STAG1: variants seen among roughly 807,000 people sequenced by gnomAD.
The protein encoded by STAG1 is cohesin subunit SA-1.
Under a neutral mutation model 170.9 loss-of-function variants are expected in STAG1, and 26 were observed. That is an observed-to-expected ratio of 0.15 (90% CI 0.11 to 0.21). The LOEUF (loss-of-function observed/expected upper bound fraction) is 0.21. Ranked by LOEUF, STAG1 falls within the 10% of genes least tolerant of loss-of-function variation. The pLI, the probability that STAG1 is intolerant of heterozygous loss-of-function variation, is 1.00. For synonymous variants in STAG1, 514 were observed against 497.7 expected (o/e 1.03, Z -0.44); for missense variants, 964 against 1,509.5 (o/e 0.64, Z 5.99).
In STAG1 at chr3:136,627,693, CTT is replaced by C. The variant is rs1040797064; in HGVS notation, c.29+3175_29+3176del. On this transcript the variant is annotated intron_variant, in intron 2 of 33. Transcript: ENST00000383202. Reference sequence around the variant, plus strand: ...AGGTCAAGGGGTATGGAAATTCAAACTTTGACCAATTGCTCTTCAAAACTCCT... The same window carrying C: ...AGGTCAAGGGGTATGGAAATTCAAACTGACCAATTGCTCTTCAAAACTCCT... Among the ~76,000 whole-genome samples, 10 of 152,284 alleles carry C rather than the reference CTT, an allele frequency of 6.6e-5. No individual in the cohort carries two copies. In the East Asian group the frequency reaches 1.2e-3, roughly 18 times the overall value.
chr3:136,697,898 A>C (rs1372704312), intron 1 of STAG1, among the ~76,000 whole-genome samples: 1 of 152,192 alleles, frequency 6.6e-6, no homozygotes, highest in African/African-American at 2.4e-5. Context: ...CTGCACCACA[A>C]ATGTTTCAAT....
intron 21 of STAG1, among the ~76,000 whole-genome samples, chr3:136,415,975 T>C (rs543013428): frequency 1.3e-5 from 2 of 152,252 alleles, no homozygotes; most frequent in East Asian, 1.9e-4. Flanking sequence ...TGGTTAAAAA[T>C]ACGTGTTCAA....
intron 1 of STAG1, among the ~76,000 whole-genome samples, chr3:136,639,210 G>T (rs1161328368): frequency 6.7e-6 from 1 of 149,472 alleles, no homozygotes; most frequent in Non-Finnish European, 1.5e-5. Context: ...AGGCCTTGGA[G>T]TCCCAGCTAC....
At chr3:136,404,269 T>C (rs1419522420) in intron 21 of STAG1, among the ~76,000 whole-genome samples, 1 of 152,224 alleles carries the variant, frequency 6.6e-6, no homozygotes, top group Non-Finnish European at 1.5e-5. Context: ...CAGCAAGTCA[T>C]TATTAGTCTG....
intron 1 of STAG1, among the ~76,000 whole-genome samples, chr3:136,743,996 C>G (rs1170341707): frequency 1.3e-5 from 2 of 152,196 alleles, no homozygotes; most frequent in Non-Finnish European, 2.9e-5. Context: ...GCAAATAAGG[C>G]TACTATGAAC....
rs2089998556 is a variant in STAG1, at chr3:136,485,817, T to C, written c.903-8405A>G. On this transcript the variant is annotated intron_variant, in intron 9 of 33. Coordinates refer to ENST00000383202, the MANE Select transcript of STAG1 (RefSeq NM_005862.3). ...TTTTTTCACAAATCATATTTTGCAATTTATGCATACTGGTTTATAAAGCTC... is the reference window on the plus strand; with the variant it reads ...TTTTTTCACAAATCATATTTTGCAACTTATGCATACTGGTTTATAAAGCTC... 1.3e-5 allele frequency among the ~76,000 whole-genome samples: 2 copies of C among 152,226 alleles called. 1 individual carries two copies. The highest frequency in any genetic ancestry group is 4.1e-4 in the South Asian group (2 of 4,832).
At chr3:136,557,190 A>T (rs1467664827) in intron 5 of STAG1, among the ~76,000 whole-genome samples, 2 of 152,096 alleles carry the variant, frequency 1.3e-5, no homozygotes, top group Admixed American at 1.3e-4. Context: ...GTGAGTCAAG[A>T]TCGCACCACT....
chr3:136,535,920 C>A (rs1272688756), intron 6 of STAG1, among the ~76,000 whole-genome samples: 4 of 152,122 alleles, frequency 2.6e-5, no homozygotes, highest in East Asian at 1.9e-4. Flanking sequence ...GCTGAAAAAT[C>A]TAATACATCT....
At chr3:136,617,463 G>A (rs1202378768) in intron 3 of STAG1, among the ~76,000 whole-genome samples, 1 of 152,158 alleles carries the variant, frequency 6.6e-6, no homozygotes, top group African/African-American at 2.4e-5. Flanking sequence ...CATGTGCCTG[G>A]TTTATCAGTT....
intron 1 of STAG1, among the ~76,000 whole-genome samples, chr3:136,681,331 T>C (rs1942328052): frequency 6.6e-6 from 1 of 152,230 alleles, no homozygotes; most frequent in African/African-American, 2.4e-5. Context: ...TGAATCTTTA[T>C]ATTAGAATTG....
At chr3:136,751,172 G>GTTT (rs776717703) in intron 1 of STAG1, among the ~76,000 whole-genome samples, 31 of 136,104 alleles carry the variant, frequency 2.3e-4, no homozygotes, top group Non-Finnish European at 3.4e-4. Context: ...GACAAATTGC[G>GTTT]TTTTTTTTTT....
chr3:136,496,329 T>A (rs894312696), intron 9 of STAG1, among the ~76,000 whole-genome samples: 1 of 152,228 alleles, frequency 6.6e-6, no homozygotes, highest in Non-Finnish European at 1.5e-5. Context: ...AGAATATACC[T>A]TATTTTCTTG....
chr3:136,477,185 A>C, intron 10 of STAG1, 104 bp downstream of exon 10: 1 of 1,285,488 alleles, frequency 7.8e-7, no homozygotes, highest in Non-Finnish European at 1.0e-6. Flanking sequence ...AAATTTCCAC[A>C]TGATTACAAC....
intron 21 of STAG1, among the ~76,000 whole-genome samples, chr3:136,399,699 C>CT (rs1438566558): frequency 2.0e-5 from 3 of 152,090 alleles, no homozygotes; most frequent in Non-Finnish European, 4.4e-5. Flanking sequence ...TTGGTGCACT[C>CT]TGCATGCATT....
At chr3:136,702,787 G>A (rs543365238) in intron 1 of STAG1, among the ~76,000 whole-genome samples, 6 of 151,872 alleles carry the variant, frequency 4.0e-5, no homozygotes, top group African/African-American at 7.3e-5. Context: ...ACTAAAGGCC[G>A]GGCCAGGCAC....
At chr3:136,608,731 G>C (rs1939092364) in intron 3 of STAG1, among the ~76,000 whole-genome samples, 1 of 149,296 alleles carries the variant, frequency 6.7e-6, no homozygotes, top group South Asian at 2.1e-4. Flanking sequence ...ATGAGCCGGG[G>C]AGGTGGAGTC....
At chr3:136,715,068 G>A (rs1354834739) in intron 1 of STAG1, among the ~76,000 whole-genome samples, 4 of 143,616 alleles carry the variant, frequency 2.8e-5, no homozygotes, top group African/African-American at 7.7e-5. Flanking sequence ...AGGAAAGGGA[G>A]GGTACCGTAT....
intron 22 of STAG1, among the ~76,000 whole-genome samples, chr3:136,386,670 CAGG>C (rs1576415693): frequency 1.3e-5 from 2 of 152,110 alleles, no homozygotes; most frequent in East Asian, 3.8e-4. Flanking sequence ...GCAAGCACTA[CAGG>C]CACACACCAC....
In STAG1 at chr3:136,357,868, C is replaced by G; in HGVS notation, c.2937-20G>C. The G allele has an allele frequency of 6.3e-7, 1 of 1,577,250 alleles. No individual in the cohort carries two copies. Among genetic ancestry groups the G allele is most frequent in the South Asian group, 1.2e-5 (1 of 84,030 alleles). On this transcript the variant is annotated intron_variant, in intron 27 of 33. Coordinates refer to ENST00000383202, the MANE Select transcript of STAG1 (RefSeq NM_005862.3). ...CCATCCCTGAAGTAAAAGAAAATATCAACTTATTTTTCCAGATAGTGTAAT... is the reference window on the plus strand; with the variant it reads ...CCATCCCTGAAGTAAAAGAAAATATGAACTTATTTTTCCAGATAGTGTAAT...
Sources: gnomAD v4.1 joint callset for allele counts (sites outside exome capture counted in the v4.1 genomes callset) on GRCh38, gnomAD v4.1.1 for gene constraint, MANE v1.5 for transcripts, NCBI Gene and HGNC (gene_info 2026-07-23, HGNC 2026-07-21) for gene names.